ZFHX3: variants seen among roughly 807,000 people sequenced by gnomAD.
ZFHX3 encodes the protein zinc finger homeobox 3.
In ZFHX3, 42 loss-of-function variants were observed where a neutral mutation model predicts 279.1. The ratio of observed to expected loss-of-function variants is 0.15; its 90% CI spans 0.12 to 0.19. The LOEUF (loss-of-function observed/expected upper bound fraction) is 0.19, where lower values mean the gene tolerates loss of function less well. ZFHX3 is among the 10% of genes least tolerant of loss of function. The pLI is 1.00. For synonymous variants in ZFHX3, 2,293 were observed against 1,957.8 expected (o/e 1.17, Z -4.52); for missense variants, 4,981 against 4,754.0 (o/e 1.05, Z -1.40).
rs980098223 is a variant in ZFHX3 at position 72,835,150 on chromosome 16, G to A, written c.3449-5291C>T. ...TTGTTCTTTCCTTTTTCTTTGGAGG[G>A]TGGGATGTTTGAGGGTGGGGGTGAA... On this transcript the variant is annotated intron_variant, in intron 4 of 9. Coordinates refer to ENST00000268489, the MANE Select transcript of ZFHX3 (RefSeq NM_006885.4). Among the ~76,000 whole-genome samples the A allele has an allele frequency of 3.9e-5, 6 of 152,078 alleles. No individual in the cohort carries two copies. In the South Asian group the frequency reaches 1.2e-3, roughly 32 times the overall value.
intron 2 of ZFHX3, among the ~76,000 whole-genome samples, chr16:73,574,685 C>G (rs2051781627): frequency 6.6e-6 from 1 of 152,028 alleles, no homozygotes; most frequent in Non-Finnish European, 1.5e-5. Flanking sequence ...TACGGCAGGT[C>G]TTCATCACCT....
chr16:73,237,427 TG>T (rs2012985507), intron 5 of ZFHX3, among the ~76,000 whole-genome samples: 2 of 151,686 alleles, frequency 1.3e-5, no homozygotes, highest in South Asian at 4.2e-4. Context: ...TTTTAAAAGA[TG>T]GGGTTTTGCC....
intron 1 of ZFHX3, among the ~76,000 whole-genome samples, chr16:73,728,015 G>GACCC (rs377699912): frequency 6.6e-5 from 5 of 75,426 alleles, no homozygotes; most frequent in African/African-American, 1.4e-4. Context: ...GCCGAATTGT[G>GACCC]CCCCCCCCCC....
At chr16:72,847,019 G>C (rs1249791816) in intron 4 of ZFHX3, among the ~76,000 whole-genome samples, 1 of 152,200 alleles carries the variant, frequency 6.6e-6, no homozygotes, top group Non-Finnish European at 1.5e-5. Flanking sequence ...AAGGACTCAA[G>C]GCTCAGAATG....
chr16:72,798,692 CTTTCCCAGA>C lies in ZFHX3; in HGVS notation c.3981_3989del (p.Asp1327_Lys1330delinsGlu). On this transcript the variant is annotated inframe_deletion, in exon 9 of 10. Coordinates refer to ENST00000268489, the MANE Select transcript of ZFHX3 (RefSeq NM_006885.4). ...CTGTGCTTGCGGATGGCAAGATGTT[CTTTCCCAGA>C]TCCTCTGAGGTTTCTGTTAAAAAAA... is the stretch of plus-strand genomic sequence containing the variant. 6.4e-7 allele frequency: 1 copy of C among 1,559,470 alleles called. No homozygotes were observed.
At chr16:73,458,886 G>A (rs568468563) in intron 2 of ZFHX3, among the ~76,000 whole-genome samples, 13 of 152,192 alleles carry the variant, frequency 8.5e-5, no homozygotes, top group African/African-American at 2.4e-4. Context: ...TGAAACCTCC[G>A]TACGATGACA....
At chr16:73,406,285 C>G (rs994163097) in intron 3 of ZFHX3, among the ~76,000 whole-genome samples, 1 of 152,234 alleles carries the variant, frequency 6.6e-6, no homozygotes, top group African/African-American at 2.4e-5. Context: ...GTTTTCCTAT[C>G]CTTTGTAAAT....
intron 3 of ZFHX3, among the ~76,000 whole-genome samples, chr16:72,923,317 T>C (rs1280511069): frequency 6.6e-6 from 1 of 152,002 alleles, no homozygotes; most frequent in Non-Finnish European, 1.5e-5. Context: ...GGGTGGTGCA[T>C]GCCTATAGTT....
intron 1 of ZFHX3, among the ~76,000 whole-genome samples, chr16:73,840,530 G>C (rs1245543579): frequency 1.8e-4 from 28 of 152,150 alleles, no homozygotes; most frequent in Admixed American, 1.8e-3. Flanking sequence ...AATGTCCTTT[G>C]ATATAGAACC....
At chr16:73,616,269 C>T (rs1175621936) in intron 2 of ZFHX3, among the ~76,000 whole-genome samples, 6 of 150,944 alleles carry the variant, frequency 4.0e-5, no homozygotes, top group South Asian at 2.1e-4. Flanking sequence ...TGTGCTTTTA[C>T]TTTCCATTCA....
chr16:72,889,724 C>T lies in ZFHX3; in HGVS notation c.3448+7G>A, dbSNP rs368151601. The T allele has an allele frequency of 9.9e-6, 16 of 1,611,266 alleles. No homozygotes were observed. The highest frequency in any genetic ancestry group is 2.7e-5 in the African/African-American group (2 of 74,828). ...CCTGGGCCTCCCATGCCTGTGAGACCACTCACCTGGGTCCGTGGAGGGGCA... is the reference window on the plus strand; with the variant it reads ...CCTGGGCCTCCCATGCCTGTGAGACTACTCACCTGGGTCCGTGGAGGGGCA... On this transcript the variant is annotated splice_region_variant and intron_variant, in intron 4 of 9. Transcript: ENST00000268489.
At chr16:73,243,346 T>C (rs1169804044) in intron 5 of ZFHX3, among the ~76,000 whole-genome samples, 1 of 152,222 alleles carries the variant, frequency 6.6e-6, no homozygotes, top group Non-Finnish European at 1.5e-5. Context: ...GCAAATTCTA[T>C]TTCTCCATGG....
chr16:73,832,650 C>A (rs909469802), intron 1 of ZFHX3, among the ~76,000 whole-genome samples: 1 of 152,072 alleles, frequency 6.6e-6, no homozygotes, highest in Non-Finnish European at 1.5e-5. Context: ...TGGGCTCAAG[C>A]AATCCTCCCC....
chr16:73,324,299 C>T (rs911836913), intron 3 of ZFHX3, among the ~76,000 whole-genome samples: 6 of 152,170 alleles, frequency 3.9e-5, no homozygotes, highest in African/African-American at 7.2e-5. Flanking sequence ...TTTCAATCAT[C>T]CTGAGTAAAT....
At chr16:73,069,842 C>T (rs1440991692) in intron 8 of ZFHX3, among the ~76,000 whole-genome samples, 11 of 152,188 alleles carry the variant, frequency 7.2e-5, no homozygotes, top group Admixed American at 7.2e-4. Context: ...TCCTGTCAAT[C>T]CAAAATTGTT....
At chr16:72,969,857 T>C (rs1283902115) in intron 1 of ZFHX3, among the ~76,000 whole-genome samples, 5 of 152,222 alleles carry the variant, frequency 3.3e-5, no homozygotes, top group Admixed American at 2.6e-4. Flanking sequence ...ATCTGCTTGG[T>C]AGCAATTTCC....
At chr16:73,806,382 A>C (rs1450550238) in intron 1 of ZFHX3, among the ~76,000 whole-genome samples, 1 of 152,222 alleles carries the variant, frequency 6.6e-6, no homozygotes, top group Non-Finnish European at 1.5e-5. Flanking sequence ...ACCACAGCAC[A>C]GTGAGAGAAC....
intron 1 of ZFHX3, among the ~76,000 whole-genome samples, chr16:73,832,523 G>T (rs1961025236): frequency 6.6e-6 from 1 of 152,106 alleles, no homozygotes; most frequent in Admixed American, 6.6e-5. Flanking sequence ...TTTTAAGCAA[G>T]ATAGGCCCTT....
At chr16:73,444,654 G>C (rs574119944) in intron 3 of ZFHX3, among the ~76,000 whole-genome samples, 2 of 152,280 alleles carry the variant, frequency 1.3e-5, no homozygotes, top group Admixed American at 6.5e-5. Flanking sequence ...ACATTTATGT[G>C]AGTGGCCTCC....
Sources: gnomAD v4.1 joint callset for allele counts (sites outside exome capture counted in the v4.1 genomes callset) on GRCh38, gnomAD v4.1.1 for gene constraint, MANE v1.5 for transcripts, NCBI Gene and HGNC (gene_info 2026-07-23, HGNC 2026-07-21) for gene names.